The following NECAB1 variants were observed in gnomAD, a reference collection of about 807,000 sequenced individuals.
NECAB1 encodes the protein N-terminal EF-hand calcium binding protein 1.
NECAB1 carries 29 observed loss-of-function variants against 57.5 expected under a neutral mutation model. The ratio of observed to expected loss-of-function variants is 0.50; its 90% CI spans 0.38 to 0.69. The LOEUF (loss-of-function observed/expected upper bound fraction) is 0.69, where lower values mean the gene tolerates loss of function less well. Ranked by LOEUF, NECAB1 falls within the 30% of genes least tolerant of loss-of-function variation. The pLI is 0.00. For synonymous variants in NECAB1, 142 were observed against 147.7 expected, an observed-to-expected ratio of 0.96 and a Z score of 0.28; for missense variants, 372 against 413.8, an observed-to-expected ratio of 0.90 and a Z score of 0.88.
chr8:90,864,351 G>C (rs1463522647), intron 3 of NECAB1, among the ~76,000 whole-genome samples: 1 of 141,590 alleles, frequency 7.1e-6, no homozygotes, highest in East Asian at 2.3e-4. Flanking sequence ...GAGGGAGGGA[G>C]GGGGAGGGAG....
At chr8:90,949,972 TTC>T in intron 11 of NECAB1, 88 bp downstream of exon 11, 1 of 786,482 alleles carries the variant, frequency 1.3e-6, no homozygotes, top group Non-Finnish European at 2.1e-6. Context: ...GAAAGTTCCA[TTC>T]TCTTTTACCT....
intron 5 of NECAB1, among the ~76,000 whole-genome samples, chr8:90,893,350 T>A (rs1486906117): frequency 6.6e-6 from 1 of 152,170 alleles, no homozygotes; most frequent in Non-Finnish European, 1.5e-5. Flanking sequence ...TGAAGTGTCT[T>A]CTCTCTCACT....
At chr8:90,866,257 G>T (rs542467806) in intron 3 of NECAB1, among the ~76,000 whole-genome samples, 7 of 152,302 alleles carry the variant, frequency 4.6e-5, no homozygotes, top group African/African-American at 1.7e-4. Context: ...CACAATGATG[G>T]CTGAGCATAT....
intron 5 of NECAB1, among the ~76,000 whole-genome samples, chr8:90,885,402 C>G (rs1200591435): frequency 6.6e-6 from 1 of 152,162 alleles, no homozygotes; most frequent in Non-Finnish European, 1.5e-5. Context: ...AGCCAAGTTG[C>G]CAGATGATGC....
At chr8:90,815,550 TC>T (rs1812048731) in intron 2 of NECAB1, among the ~76,000 whole-genome samples, 1 of 151,922 alleles carries the variant, frequency 6.6e-6, no homozygotes, top group South Asian at 2.1e-4. Context: ...TATTCACCCC[TC>T]CCTCCAACCT....
intron 5 of NECAB1, among the ~76,000 whole-genome samples, chr8:90,888,786 G>A (rs1452527264): frequency 1.3e-5 from 2 of 152,198 alleles, no homozygotes; most frequent in Non-Finnish European, 2.9e-5. Flanking sequence ...AGAGAGCTCA[G>A]GGCCACATGG....
rs180981113 is a variant in NECAB1, at chr8:90,944,870, G to C, written c.860+3972G>C. 4.6e-5 allele frequency among the ~76,000 whole-genome samples: 7 copies of C among 152,254 alleles called. No homozygotes were observed. The East Asian group carries it at 1.4e-3, about 29-fold the overall frequency. ...TCTGAGACATCCTTAAGAAATAATGGTGGCACACTGAATCATTAATCATTT... is the reference window on the plus strand; with the variant it reads ...TCTGAGACATCCTTAAGAAATAATGCTGGCACACTGAATCATTAATCATTT... On this transcript the variant is annotated intron_variant, in intron 10 of 12. Coordinates refer to ENST00000417640, the MANE Select transcript of NECAB1 (RefSeq NM_022351.5).
chr8:90,876,219 C>G (rs1009985799), intron 4 of NECAB1, among the ~76,000 whole-genome samples: 1 of 152,026 alleles, frequency 6.6e-6, no homozygotes, highest in Non-Finnish European at 1.5e-5. Flanking sequence ...AGGCTCTATG[C>G]CCTCCTCCAG....
At chr8:90,883,815 C>T (rs1808903765) in intron 5 of NECAB1, among the ~76,000 whole-genome samples, 1 of 152,178 alleles carries the variant, frequency 6.6e-6, no homozygotes, top group Non-Finnish European at 1.5e-5. Context: ...TGGAATGTCT[C>T]ACATACACAC....
intron 10 of NECAB1, among the ~76,000 whole-genome samples, chr8:90,942,285 G>A (rs991458073): frequency 3.3e-5 from 5 of 152,170 alleles, no homozygotes; most frequent in Non-Finnish European, 7.3e-5. Context: ...GAAGACGTGA[G>A]CTGAAGTCAC....
At chr8:90,869,954 T>C (rs912473030) in intron 3 of NECAB1, among the ~76,000 whole-genome samples, 1 of 152,076 alleles carries the variant, frequency 6.6e-6, no homozygotes, top group Middle Eastern at 3.2e-3. Flanking sequence ...GTTGGGGAGG[T>C]ACCTGGTGGG....
At chr8:90,939,862 TTTAA>T (rs1209025323) in intron 9 of NECAB1, among the ~76,000 whole-genome samples, 16 of 152,192 alleles carry the variant, frequency 1.1e-4, no homozygotes, top group African/African-American at 3.9e-4. Context: ...AGACCAGGGG[TTTAA>T]TTCTCTCATG....
chr8:90,801,726 A>G lies in NECAB1; in HGVS notation c.124+11A>G. On this transcript the variant is annotated intron_variant, in intron 2 of 12. Transcript: ENST00000417640. Reference sequence around the variant, plus strand: ...GAGCAGACAAAAATGGTAAGACCAAAAATCTACAGTATCTATTTATTAATC... The same window carrying G: ...GAGCAGACAAAAATGGTAAGACCAAGAATCTACAGTATCTATTTATTAATC... 6.6e-7 allele frequency: 1 copy of G among 1,506,090 alleles called. No individual in the cohort carries two copies. Among genetic ancestry groups the G allele is most frequent in the South Asian group, 1.3e-5 (1 of 78,746 alleles). The allele number at this position is 1,506,090 out of a possible 1,614,324, so 93.3% of individuals were successfully genotyped here. A position where few individuals can be genotyped will look rare whatever the true frequency, so the allele number is the denominator to read the frequency against.
At chr8:90,800,992 C>T (rs1451194643) in intron 1 of NECAB1, among the ~76,000 whole-genome samples, 4 of 152,062 alleles carry the variant, frequency 2.6e-5, no homozygotes, top group East Asian at 1.9e-4. Context: ...ATTTAAAATA[C>T]GTCCAAGATA....
chr8:90,801,173 A>G (rs1157091361), intron 1 of NECAB1, among the ~76,000 whole-genome samples: 3 of 152,164 alleles, frequency 2.0e-5, no homozygotes, highest in African/African-American at 4.8e-5. Flanking sequence ...GAGTTTTAAC[A>G]TATATGAAAC....
intron 5 of NECAB1, among the ~76,000 whole-genome samples, chr8:90,891,289 AG>A (rs1451073183): frequency 6.6e-6 from 1 of 152,164 alleles, no homozygotes; most frequent in Admixed American, 6.5e-5. Flanking sequence ...TGGTCACATG[AG>A]GGTCACTTAG....
chr8:90,865,788 C>G (rs567988261), intron 3 of NECAB1, among the ~76,000 whole-genome samples: 18 of 152,242 alleles, frequency 1.2e-4, no homozygotes, highest in African/African-American at 4.3e-4. Context: ...TTGGCCCCTG[C>G]CTATTGGGCT....
chr8:90,885,160 T>C (rs1026430167), intron 5 of NECAB1, among the ~76,000 whole-genome samples: 4 of 152,240 alleles, frequency 2.6e-5, no homozygotes, highest in South Asian at 2.1e-4. Context: ...AAATACCACT[T>C]TGAGGTTATT....
chr8:90,892,795 C>A (rs2129964442), intron 5 of NECAB1, among the ~76,000 whole-genome samples: 1 of 152,294 alleles, frequency 6.6e-6, no homozygotes, highest in East Asian at 1.9e-4. Flanking sequence ...GATGAGACAT[C>A]TTTCCAAAAA....
Sources: gnomAD v4.1 joint callset for allele counts (sites outside exome capture counted in the v4.1 genomes callset) on GRCh38, gnomAD v4.1.1 for gene constraint, MANE v1.5 for transcripts, NCBI Gene and HGNC (gene_info 2026-07-23, HGNC 2026-07-21) for gene names.